The following TMEM39A variants were observed in gnomAD, a reference collection of about 807,000 sequenced individuals.
The protein encoded by TMEM39A is transmembrane protein 39A.
In TMEM39A, 19 loss-of-function variants were observed where a neutral mutation model predicts 51.9. That is an observed-to-expected ratio of 0.37 (90% confidence interval 0.26 to 0.54). The LOEUF (loss-of-function observed/expected upper bound fraction) is 0.54. Among genes scored for constraint, TMEM39A ranks in the 20% least tolerant of loss-of-function variants. TMEM39A has a pLI of 0.88. For synonymous variants in TMEM39A, 197 were observed against 220.2 expected (o/e 0.89, Z 0.93); for missense variants, 433 against 590.5 (o/e 0.73, Z 2.76).
chr3:119,430,199 T>C lies in TMEM39A; in HGVS notation c.*1782A>G, dbSNP rs2080881579. 1 of 152,118 alleles carries C rather than the reference T, an allele frequency of 6.6e-6. No individual in the cohort carries two copies. Among genetic ancestry groups the C allele is most frequent in the South Asian group, 2.1e-4 (1 of 4,822 alleles). 9.4% of individuals were successfully genotyped at this position (152,118 alleles called of 1,614,324 possible). ...ATATATTTTCTTGCTATTCTTCCAA[T>C]ATACCAACTTGTCCCCACCTCAGGG... is the stretch of plus-strand genomic sequence containing the variant. On this transcript the variant is annotated 3_prime_UTR_variant, in exon 9 of 9. Transcript: ENST00000319172.
At chr3:119,454,354 C>T (rs1033588893) in intron 3 of TMEM39A, among the ~76,000 whole-genome samples, 7 of 152,158 alleles carry the variant, frequency 4.6e-5, no homozygotes, top group Admixed American at 1.3e-4. Context: ...ATAATGGATT[C>T]TAACAGTATT....
In TMEM39A at chr3:119,437,923, A is replaced by T; in HGVS notation, c.756T>A (p.Phe252Leu). The T allele has an allele frequency of 6.2e-7, 1 of 1,614,074 alleles. No individual in the cohort carries two copies. Among genetic ancestry groups the T allele is most frequent in the Non-Finnish European group, 8.5e-7 (1 of 1,179,984 alleles). Residue 252 changes from phenylalanine (F) to leucine (L), a missense_variant, in exon 6 of 9, where the codon TTT becomes TTA. Physicochemically the swap from Phe to Leu is conservative, Grantham distance 22. Coordinates refer to ENST00000319172, the MANE Select transcript of TMEM39A (RefSeq NM_018266.3). ...SLLLESLKEQ[F>L]NNATPIPTHS... ...GGGTGGGGATGGGTGTGGCATTATTAAACTGTTCTTTTAGCGACTCCAGCA... is the reference window on the plus strand; with the variant it reads ...GGGTGGGGATGGGTGTGGCATTATTTAACTGTTCTTTTAGCGACTCCAGCA...
intron 3 of TMEM39A, among the ~76,000 whole-genome samples, chr3:119,455,848 A>G (rs76707801): frequency 0.015 from 2,278 of 152,330 alleles, 60 homozygotes; most frequent in African/African-American, 0.053. Flanking sequence ...TTTATAATGA[A>G]CTACCCAAGA....
chr3:119,455,041 C>T (rs780977975), intron 3 of TMEM39A, among the ~76,000 whole-genome samples: 72 of 152,262 alleles, frequency 4.7e-4, no homozygotes, highest in Non-Finnish European at 8.2e-4. Flanking sequence ...CAGGTGTCCA[C>T]ATTTTCTTTT....
chr3:119,462,633 A>AGGG (rs1200172060), intron 1 of TMEM39A, among the ~76,000 whole-genome samples: 89 of 2,254 alleles, frequency 0.039, 6 homozygotes, highest in East Asian at 0.12. Context: ...TGTTTCTTCA[A>AGGG]GGGGGGGGGG....
rs1249784608 is a variant in TMEM39A, at chr3:119,436,927, A to C, written c.976T>G (p.Trp326Gly). The change falls in exon 7 of 9, where the codon TGG (tryptophan) becomes GGG (glycine). Residue 326 changes from tryptophan to glycine, a missense_variant. Physicochemically the swap from Trp to Gly is radical, Grantham distance 184. Coordinates refer to ENST00000319172, the MANE Select transcript of TMEM39A (RefSeq NM_018266.3). ...GTGAGCATGACAAAAGCATTGATCC[A>C]CACCATAATGAGGTGCTCACATGAC... is the stretch of plus-strand genomic sequence containing the variant. The part of the protein sequence containing the change: ...RWSCEHLIMV[W>G]INAFVMLTTQ... The C allele has an allele frequency of 6.2e-7, 1 of 1,614,044 alleles. No homozygotes were observed. The highest frequency in any genetic ancestry group is 8.5e-7 in the Non-Finnish European group (1 of 1,179,910).
chr3:119,447,869 C>T (rs933459535), intron 4 of TMEM39A, among the ~76,000 whole-genome samples: 48 of 152,164 alleles, frequency 3.2e-4, no homozygotes, highest in African/African-American at 1.0e-3. Context: ...GATCCACCCA[C>T]CTCCCAAAGT....
Position 119,431,850 on chromosome 3 carries a change from T to C in TMEM39A, c.*131A>G, listed in dbSNP as rs79702234. On this transcript the variant is annotated 3_prime_UTR_variant, in exon 9 of 9. Coordinates refer to ENST00000319172, the MANE Select transcript of TMEM39A (RefSeq NM_018266.3). ...TACGGATACATTTAATATCCCTTAC[T>C]CTTCCCGACTTTCAAAACATAATAG... is the stretch of plus-strand genomic sequence containing the variant. The C allele has an allele frequency of 6.1e-3, 3,728 of 614,286 alleles. 110 individuals are homozygous for C. The South Asian group carries it at 0.07, about 12-fold the overall frequency. The allele number at this position is 614,286 out of a possible 1,614,324, so 38.1% of individuals were successfully genotyped here. A position where few individuals can be genotyped will look rare whatever the true frequency, so the allele number is the denominator to read the frequency against.
At chr3:119,459,107 A>C (rs1243576897) in intron 2 of TMEM39A, among the ~76,000 whole-genome samples, 1 of 152,154 alleles carries the variant, frequency 6.6e-6, no homozygotes, top group African/African-American at 2.4e-5. Context: ...TCCCAAAAAG[A>C]ATGCAGGTGT....
At chr3:119,458,264 C>T (rs781100728) in intron 2 of TMEM39A, 24 bp from the exon 3 acceptor site, 3 of 1,605,442 alleles carry the variant, frequency 1.9e-6, no homozygotes, top group African/African-American at 1.3e-5. Flanking sequence ...CTATGGTTAA[C>T]TCAAATGGTG....
chr3:119,461,566 A>T (rs2081337307), intron 2 of TMEM39A, among the ~76,000 whole-genome samples: 1 of 152,212 alleles, frequency 6.6e-6, no homozygotes, highest in Non-Finnish European at 1.5e-5. Flanking sequence ...ATTTATTAAG[A>T]CCAAACAATT....
chr3:119,440,959 A>G (rs1402718121), intron 5 of TMEM39A, among the ~76,000 whole-genome samples: 1 of 152,104 alleles, frequency 6.6e-6, no homozygotes, highest in Non-Finnish European at 1.5e-5. Context: ...AAACTTTTTC[A>G]TTACTATTAC....
intron 1 of TMEM39A, among the ~76,000 whole-genome samples, chr3:119,462,633 AGG>A (rs1200172060): frequency 0.011 from 24 of 2,266 alleles, 4 homozygotes; most frequent in African/African-American, 0.057. Context: ...TGTTTCTTCA[AGG>A]GGGGGGGGCG....
chr3:119,452,331 G>T, intron 4 of TMEM39A, 116 bp downstream of exon 4: 1 of 657,346 alleles, frequency 1.5e-6, no homozygotes, highest in Non-Finnish European at 2.6e-6. Flanking sequence ...GAACTCACAT[G>T]GGAGTAAAGT....
At chr3:119,442,941 C>CT (rs1275878933) in intron 5 of TMEM39A, among the ~76,000 whole-genome samples, 1 of 151,904 alleles carries the variant, frequency 6.6e-6, no homozygotes, top group African/African-American at 2.4e-5. Flanking sequence ...TGGCACACAC[C>CT]TGTAGTCCCA....
At chr3:119,450,688 C>T (rs2107680000) in intron 4 of TMEM39A, among the ~76,000 whole-genome samples, 1 of 151,660 alleles carries the variant, frequency 6.6e-6, no homozygotes. Context: ...TGGGTATGGT[C>T]GTGGGCGCCT....
chr3:119,434,053 T>A lies in TMEM39A; in HGVS notation c.1233+709A>T, dbSNP rs142277785. On this transcript the variant is annotated intron_variant, in intron 8 of 8. Coordinates refer to ENST00000319172, the MANE Select transcript of TMEM39A (RefSeq NM_018266.3). The stretch of plus-strand genomic sequence containing the variant: ...TGATCCCCTTTCAAAAGCAATGCAC[T>A]GCACTATAGGCATTTTTACTATAAA... 8.4e-4 allele frequency among the ~76,000 whole-genome samples: 128 copies of A among 152,324 alleles called. No homozygotes were observed. The East Asian group carries it at 0.018, about 22-fold the overall frequency.
At chr3:119,436,024 T>C in intron 7 of TMEM39A, 1 of 908,012 alleles carries the variant, frequency 1.1e-6, no homozygotes, top group Non-Finnish European at 1.5e-6. Flanking sequence ...CCCACTTAAC[T>C]AGGGAAAAAT....
chr3:119,462,768 A>G (rs2081356869), intron 1 of TMEM39A, among the ~76,000 whole-genome samples: 3 of 151,450 alleles, frequency 2.0e-5, no homozygotes, highest in Admixed American at 2.0e-4. Flanking sequence ...TCTATATGTT[A>G]GGGTTAAAAT....
Sources: allele counts gnomAD v4.1 joint callset (sites outside exome capture counted in the v4.1 genomes callset), GRCh38; gene constraint gnomAD v4.1.1; transcripts MANE v1.5; gene names NCBI Gene and HGNC (gene_info 2026-07-23, HGNC 2026-07-21).